The following TMEM74 variants were observed in gnomAD, a reference collection of about 807,000 sequenced individuals.
TMEM74 encodes the protein transmembrane protein 74.
Under a neutral mutation model 18.1 loss-of-function variants are expected in TMEM74, and 13 were observed. The observed-to-expected ratio is 0.72, with a 90% CI of 0.47 to 1.14. TMEM74 has a LOEUF of 1.14. TMEM74 is among the 50% of genes most tolerant of loss of function. The pLI, the probability that TMEM74 is intolerant of heterozygous loss-of-function variation, is 0.00. For synonymous variants in TMEM74, 159 were observed against 146.6 expected (o/e 1.08, Z -0.61); for missense variants, 372 against 375.9 (o/e 0.99, Z 0.09).
intron 1 of TMEM74, among the ~76,000 whole-genome samples, chr8:108,762,174 G>C (rs1586288820): frequency 6.6e-6 from 1 of 152,046 alleles, no homozygotes; most frequent in Non-Finnish European, 1.5e-5. Flanking sequence ...AAATAAACTT[G>C]GCATAGACTA....
intron 1 of TMEM74, among the ~76,000 whole-genome samples, chr8:108,670,129 T>C (rs1461932709): frequency 1.3e-5 from 2 of 151,944 alleles, no homozygotes; most frequent in African/African-American, 4.8e-5. Flanking sequence ...ATTCATAGTA[T>C]AGTAGAAGTA....
intron 1 of TMEM74, among the ~76,000 whole-genome samples, chr8:108,659,222 T>C (rs117310124): frequency 0.026 from 1,680 of 64,408 alleles, 16 homozygotes; most frequent in Middle Eastern, 0.094. Context: ...TGTGGTTTGA[T>C]CCTGAGGTGT....
chr8:108,678,961 T>C (rs1360346050), intron 1 of TMEM74, among the ~76,000 whole-genome samples: 1 of 138,814 alleles, frequency 7.2e-6, no homozygotes, highest in Non-Finnish European at 1.5e-5. Context: ...TGTGTTCTCA[T>C]TGTTCAATTC....
chr8:108,760,073 T>TAC (rs1423226352), intron 1 of TMEM74, among the ~76,000 whole-genome samples: 4 of 151,242 alleles, frequency 2.6e-5, no homozygotes, highest in Admixed American at 2.0e-4. Flanking sequence ...CTCAGGAGGC[T>TAC]TAGGTAAGAG....
intron 1 of TMEM74, among the ~76,000 whole-genome samples, chr8:108,751,827 G>C (rs1813906682): frequency 6.6e-6 from 1 of 151,998 alleles, no homozygotes; most frequent in African/African-American, 2.4e-5. Context: ...ATGATATACT[G>C]CCAATCAGAA....
intron 1 of TMEM74, among the ~76,000 whole-genome samples, chr8:108,679,308 C>T (rs1238559709): frequency 2.6e-5 from 4 of 152,248 alleles, no homozygotes; most frequent in African/African-American, 9.6e-5. Flanking sequence ...TTCTAGATCC[C>T]TGAGGAATCT....
intron 1 of TMEM74, among the ~76,000 whole-genome samples, chr8:108,731,717 A>G (rs956225186): frequency 9.9e-5 from 15 of 152,282 alleles, no homozygotes; most frequent in African/African-American, 3.1e-4. Flanking sequence ...CAACCAGGTC[A>G]GTTTTGTCTG....
chr8:108,607,501 A>G (rs1179148218), exon 4 of TMEM74: 3 of 152,222 alleles, frequency 2.0e-5, no homozygotes, highest in African/African-American at 7.2e-5. Flanking sequence ...GGTCCACCTG[A>G]TAACTATAAA....
At chr8:108,724,007 A>G (rs530599955) in intron 1 of TMEM74, among the ~76,000 whole-genome samples, 74 of 152,252 alleles carry the variant, frequency 4.9e-4, no homozygotes, top group Non-Finnish European at 7.6e-4. Context: ...ATGAGGCATG[A>G]TCCTGAGTTT....
chr8:108,723,446 A>T (rs1362657555), intron 1 of TMEM74, among the ~76,000 whole-genome samples: 2 of 151,428 alleles, frequency 1.3e-5, no homozygotes, highest in African/African-American at 4.9e-5. Flanking sequence ...TTTCGTGTGT[A>T]TGTGTGTGTG....
rs552559414 is a variant in TMEM74 at position 108,773,524 on chromosome 8, T to C, written n.119+13952A>G. Reference sequence around the variant, plus strand: ...CCTCCCCTAAAACGGTAGAGCCTAGTTTCACTATCCTGGACTGTGGGCTGG... The same window carrying C: ...CCTCCCCTAAAACGGTAGAGCCTAGCTTCACTATCCTGGACTGTGGGCTGG... On this transcript the variant is annotated intron_variant and non_coding_transcript_variant, in intron 1 of 3. Transcript: ENST00000518838. Among the ~76,000 whole-genome samples, 3 of 152,292 alleles carry C rather than the reference T, an allele frequency of 2.0e-5. No homozygotes were observed. In the South Asian group the frequency reaches 6.2e-4, roughly 32 times the overall value.
At chr8:108,694,630 G>A (rs79610092) in intron 1 of TMEM74, among the ~76,000 whole-genome samples, 5 of 152,094 alleles carry the variant, frequency 3.3e-5, no homozygotes, top group African/African-American at 9.7e-5. Flanking sequence ...GAGAAGGCTC[G>A]CTGTATTGCC....
At chr8:108,768,205 A>G (rs550977471) in intron 1 of TMEM74, among the ~76,000 whole-genome samples, 3 of 152,252 alleles carry the variant, frequency 2.0e-5, no homozygotes, top group African/African-American at 4.8e-5. Context: ...TAAGCTTTCC[A>G]TACCTTGGCT....
intron 1 of TMEM74, among the ~76,000 whole-genome samples, chr8:108,762,257 T>C (rs760926316): frequency 6.6e-6 from 1 of 152,170 alleles, no homozygotes. Context: ...TAATACACTT[T>C]GACATGATGG....
rs555058188 is a variant in TMEM74 at position 108,723,165 on chromosome 8, T to G, written n.119+64311A>C. Among the ~76,000 whole-genome samples, 138 of 152,274 alleles carry G rather than the reference T, an allele frequency of 9.1e-4. 1 individual carries two copies. Among genetic ancestry groups the G allele is most frequent in the Non-Finnish European group, 1.6e-3 (110 of 68,020 alleles). On this transcript the variant is annotated intron_variant and non_coding_transcript_variant, in intron 1 of 3. Transcript: ENST00000518838. ...GAGGCAGATGAGATGTGTGGTGGTG[T>G]TTTTTATTCTGGATTCTGTTTTTAG...
At chr8:108,699,637 TGAG>T (rs200860008) in intron 1 of TMEM74, among the ~76,000 whole-genome samples, 1,734 of 152,230 alleles carry the variant, frequency 0.011, 18 homozygotes, top group Middle Eastern at 0.044. Context: ...CTCTGCAAAA[TGAG>T]GAGAAGGAAG....
chr8:108,633,696 C>T (rs1414681865), intron 2 of TMEM74, among the ~76,000 whole-genome samples: 1 of 151,952 alleles, frequency 6.6e-6, no homozygotes, highest in Non-Finnish European at 1.5e-5. Flanking sequence ...GAAGATTTAG[C>T]TGGCTCCCCA....
chr8:108,738,068 CT>C (rs888588660), intron 1 of TMEM74, among the ~76,000 whole-genome samples: 66 of 152,158 alleles, frequency 4.3e-4, no homozygotes, highest in African/African-American at 1.5e-3. Context: ...ATCTCTCCCC[CT>C]GTGCTTATCT....
intron 2 of TMEM74, among the ~76,000 whole-genome samples, chr8:108,631,839 T>C (rs984937752): frequency 2.0e-5 from 3 of 152,058 alleles, no homozygotes; most frequent in Non-Finnish European, 4.4e-5. Context: ...TGTTTCTACT[T>C]TTGTTTTGAC....
Sources: allele counts gnomAD v4.1 joint callset (sites outside exome capture counted in the v4.1 genomes callset), GRCh38; gene constraint gnomAD v4.1.1; transcripts MANE v1.5; gene names NCBI Gene and HGNC (gene_info 2026-07-23, HGNC 2026-07-21).